The following KLRB1 variants were observed in gnomAD, a reference collection of about 807,000 sequenced individuals.
KLRB1 encodes killer cell lectin-like receptor subfamily B member 1.
A neutral mutation model predicts 33.5 loss-of-function variants in KLRB1; 27 were observed. The ratio of observed to expected loss-of-function variants is 0.81; its 90% CI spans 0.59 to 1.11. KLRB1 has a LOEUF of 1.11. Among genes scored for constraint, KLRB1 ranks in the 50% most tolerant of loss-of-function variants. The pLI is 0.00. For synonymous variants in KLRB1, 64 were observed against 88.9 expected, an observed-to-expected ratio of 0.72 and a Z score of 1.58; for missense variants, 241 against 254.1, an observed-to-expected ratio of 0.95 and a Z score of 0.35.
chr12:9,597,461 T>G (rs1864502585), intron 5 of KLRB1, among the ~76,000 whole-genome samples: 1 of 152,132 alleles, frequency 6.6e-6, no homozygotes, highest in Admixed American at 6.6e-5. Context: ...TTGACCATCT[T>G]ACACAAGACA....
intron 1 of KLRB1, among the ~76,000 whole-genome samples, chr12:9,606,148 A>G (rs774330604): frequency 2.0e-5 from 3 of 152,178 alleles, no homozygotes; most frequent in Admixed American, 6.5e-5. Context: ...AAACTTTGAG[A>G]ATTCAATAGT....
chr12:9,602,421 TAAA>T (rs1864556083), intron 1 of KLRB1, among the ~76,000 whole-genome samples: 1 of 151,972 alleles, frequency 6.6e-6, no homozygotes, highest in African/African-American at 2.4e-5. Flanking sequence ...AGAAAAAAAA[TAAA>T]GAGAGATTTA....
chr12:9,607,058 G>A (rs1303871696), intron 1 of KLRB1, among the ~76,000 whole-genome samples: 3 of 151,884 alleles, frequency 2.0e-5, no homozygotes, highest in Admixed American at 6.6e-5. Context: ...TGGCCTACAC[G>A]TTGTATTCTG....
In KLRB1 at chr12:9,598,506, T is replaced by A; in HGVS notation, c.407A>T (p.Asp136Val). 1.2e-6 allele frequency: 2 copies of A among 1,609,682 alleles called. No individual in the cohort carries two copies. Among genetic ancestry groups the A allele is most frequent in the South Asian group, 1.1e-5 (1 of 90,726 alleles). ...TTTTATTTAATGATTTACCAATTCA[T>A]CCTTATCTCGAATAAGCAGCAGGCT... ...ESSLLLIRDKDELIHTQNLIR... is the reference protein window; with the variant it reads ...ESSLLLIRDKVELIHTQNLIR... The change falls in exon 4 of 6, where the codon GAT becomes GTT. Residue 136 changes from aspartate (D) to valine (V), a missense_variant. Physicochemically the swap from Asp to Val is radical, Grantham distance 152. Transcript: ENST00000229402.
chr12:9,603,720 G>T (rs891810505), intron 1 of KLRB1, among the ~76,000 whole-genome samples: 21 of 151,636 alleles, frequency 1.4e-4, no homozygotes, highest in African/African-American at 4.6e-4. Context: ...ACATACGTGA[G>T]CCACCGCACC....
rs1864542431 is a variant in KLRB1, at chr12:9,601,561, T to G, written c.124A>C (p.Lys42Gln). The G allele has an allele frequency of 6.2e-7, 1 of 1,613,676 alleles. No homozygotes were observed. Among genetic ancestry groups the G allele is most frequent in the Non-Finnish European group, 8.5e-7 (1 of 1,179,780 alleles). ...AGAATAATCCCAGCACAGCTAAGTT[T>G]CAGGGCAAATTGATGCCAAGGTGAA... ...QGSPWHQFAL[K>Q]LSCAGIILLV... The change falls in exon 2 of 6, where the codon AAA becomes CAA. Residue 42 changes from lysine to glutamine, a missense_variant. Transcript: ENST00000229402.
chr12:9,596,139 A>G (rs1417490035), intron 5 of KLRB1, among the ~76,000 whole-genome samples: 3 of 152,092 alleles, frequency 2.0e-5, no homozygotes, highest in African/African-American at 4.8e-5. Flanking sequence ...AGACTCTCCT[A>G]TTTGTCTCAA....
chr12:9,596,031 A>G (rs949892093), intron 5 of KLRB1, among the ~76,000 whole-genome samples: 1 of 152,202 alleles, frequency 6.6e-6, no homozygotes, highest in Non-Finnish European at 1.5e-5. Flanking sequence ...TCAAACAGAC[A>G]TGAGTCCTGT....
chr12:9,602,171 G>C (rs1314788405), intron 1 of KLRB1, among the ~76,000 whole-genome samples: 1 of 152,140 alleles, frequency 6.6e-6, no homozygotes, highest in African/African-American at 2.4e-5. Context: ...ATAAGGTTTT[G>C]TGACTGCATA....
At chr12:9,607,386 T>TCTC (rs1565444697) in intron 1 of KLRB1, among the ~76,000 whole-genome samples, 4 of 104,394 alleles carry the variant, frequency 3.8e-5, no homozygotes, top group African/African-American at 1.3e-4. Flanking sequence ...CTTTCTTTCT[T>TCTC]TCTTTCTTTC....
Position 9,603,243 on chromosome 12 carries a change from T to A in KLRB1, c.86-1644A>T, listed in dbSNP as rs116500421. Among the ~76,000 whole-genome samples, 422 of 152,274 alleles carry A rather than the reference T, an allele frequency of 2.8e-3. 5 individuals carry two copies. The highest frequency in any genetic ancestry group is 9.8e-3 in the African/African-American group (409 of 41,548). ...TGAGAGCTGGTGTGATACAAGAATG[T>A]CTACATGCAGTCAATAAGCCCAAGA... On this transcript the variant is annotated intron_variant, in intron 1 of 5. Transcript: ENST00000229402.
At chr12:9,607,432 C>T (rs5023032) in intron 1 of KLRB1, among the ~76,000 whole-genome samples, 33,576 of 94,968 alleles carry the variant, frequency 0.35, 5,821 homozygotes, top group South Asian at 0.55. Flanking sequence ...TTTCTTCCTT[C>T]TTTCCATCCC....
chr12:9,601,885 TAGAA>T (rs1565442953), intron 1 of KLRB1, among the ~76,000 whole-genome samples: 1 of 152,190 alleles, frequency 6.6e-6, no homozygotes. Flanking sequence ...ATGAGATAGA[TAGAA>T]AGATGTTTTG....
intron 1 of KLRB1, among the ~76,000 whole-genome samples, chr12:9,606,749 TA>T (rs1864608119): frequency 3.1e-5 from 1 of 31,910 alleles, no homozygotes; most frequent in African/African-American, 1.3e-4. Flanking sequence ...TATATATATA[TA>T]TATATATATA....
In KLRB1 at chr12:9,601,615, G is replaced by C; in HGVS notation, c.86-16C>G. The stretch of plus-strand genomic sequence containing the variant: ...TGACAGACATCTGAAAAGTTAAAAA[G>C]AAAAACACAAAAACAAACAAACAAA... On this transcript the variant is annotated splice_polypyrimidine_tract_variant and intron_variant, in intron 1 of 5. Transcript: ENST00000229402. The C allele has an allele frequency of 5.2e-6, 8 of 1,544,020 alleles. 1 individual carries two copies. Among genetic ancestry groups the C allele is most frequent in the South Asian group, 2.3e-5 (2 of 87,840 alleles).
chr12:9,599,689 T>C (rs1015753008), intron 3 of KLRB1, 78 bp downstream of exon 3: 5 of 887,156 alleles, frequency 5.6e-6, no homozygotes, highest in African/African-American at 1.6e-5. Flanking sequence ...TGGATTGTTA[T>C]GAATTGTGCC....
At chr12:9,600,743 A>G (rs946048257) in intron 2 of KLRB1, among the ~76,000 whole-genome samples, 8 of 151,890 alleles carry the variant, frequency 5.3e-5, no homozygotes, top group Non-Finnish European at 1.0e-4. Flanking sequence ...TGAAGTACCC[A>G]GGGACACAAA....
chr12:9,599,353 G>C (rs1171362840), intron 3 of KLRB1, among the ~76,000 whole-genome samples: 1 of 152,156 alleles, frequency 6.6e-6, no homozygotes, highest in Non-Finnish European at 1.5e-5. Flanking sequence ...GACTAATGTG[G>C]CTGCATGGTG....
At chr12:9,595,871 A>G (rs545861582) in intron 5 of KLRB1, among the ~76,000 whole-genome samples, 2 of 152,296 alleles carry the variant, frequency 1.3e-5, no homozygotes, top group South Asian at 4.1e-4. Context: ...AATATGATAA[A>G]TATCTAGAGG....
Sources: gnomAD v4.1 joint callset for allele counts (sites outside exome capture counted in the v4.1 genomes callset) on GRCh38, gnomAD v4.1.1 for gene constraint, MANE v1.5 for transcripts, NCBI Gene and HGNC (gene_info 2026-07-23, HGNC 2026-07-21) for gene names.